The following TOM1 variants were observed in gnomAD, a reference collection of about 807,000 sequenced individuals.
TOM1 encodes the protein target of myb1 membrane trafficking protein, also known as target of Myb protein 1.
A neutral mutation model predicts 61.3 loss-of-function variants in TOM1; 38 were observed. That is an observed-to-expected ratio of 0.62 (90% confidence interval 0.48 to 0.81). TOM1 has a LOEUF of 0.81. TOM1 is among the 40% of genes least tolerant of loss of function. The pLI is 0.00. For missense variants in TOM1, 591 were observed against 659.6 expected, an observed-to-expected ratio of 0.90 and a Z score of 1.14; for synonymous variants, 270 against 268.8, an observed-to-expected ratio of 1.00 and a Z score of -0.04.
intron 6 of TOM1, 67 bp from the exon 7 acceptor site, chr22:35,327,204 T>C: frequency 6.7e-7 from 1 of 1,490,234 alleles, no homozygotes; most frequent in Non-Finnish European, 9.3e-7. Flanking sequence ...TACTGGGTTC[T>C]GTCGCTGTGA....
intron 2 of TOM1, 46 bp from the exon 3 acceptor site, chr22:35,321,913 A>G (rs1451716015): frequency 6.6e-7 from 1 of 1,517,062 alleles, no homozygotes; most frequent in Non-Finnish European, 9.2e-7. Flanking sequence ...GGTGTTAGGT[A>G]AGGGGGCTCT....
intron 11 of TOM1, 71 bp downstream of exon 11, chr22:35,334,519 T>C (rs1302846647): frequency 5.0e-6 from 8 of 1,584,372 alleles, no homozygotes; most frequent in Non-Finnish European, 6.9e-6. Flanking sequence ...CCCGGTTTTA[T>C]GGTGGCACAC....
chr22:35,323,689 C>T lies in TOM1; in HGVS notation c.501+59C>T, dbSNP rs553901997. On this transcript the variant is annotated intron_variant, in intron 5 of 14. Transcript: ENST00000449058. This position sits in a 1 kb window ranked among gnomAD's most constrained non-coding sequence, Gnocchi z 4.2. ...GGGAGGCAGGACTCATCCCCAGAGACATCACCAGGCTGGCCCCTGACTTCC... is the reference window on the plus strand; with the variant it reads ...GGGAGGCAGGACTCATCCCCAGAGATATCACCAGGCTGGCCCCTGACTTCC... 1 of 1,609,758 alleles carries T rather than the reference C, an allele frequency of 6.2e-7. No homozygotes were observed. The highest frequency in any genetic ancestry group is 2.2e-5 in the East Asian group (1 of 44,778).
chr22:35,314,498 TTC>T (rs2145631986), intron 1 of TOM1, among the ~76,000 whole-genome samples: 1 of 152,094 alleles, frequency 6.6e-6, no homozygotes, highest in South Asian at 2.1e-4. Context: ...GGTATGGGAT[TTC>T]TCTTATTTAT....
rs949902392 is a variant in TOM1, at chr22:35,330,574, TTC to T, written c.899+99_899+100del. The T allele has an allele frequency of 1.3e-5, 17 of 1,273,194 alleles. No individual in the cohort carries two copies. In the African/African-American group the frequency reaches 2.6e-4, roughly 19 times the overall value. 78.9% of individuals were successfully genotyped at this position (1,273,194 alleles called of 1,614,324 possible). On this transcript the variant is annotated intron_variant, in intron 8 of 14. Coordinates refer to ENST00000449058, the MANE Select transcript of TOM1 (RefSeq NM_005488.3). The stretch of plus-strand genomic sequence containing the variant: ...CTCCTGGTCTCATGCCATCTGAGCC[TTC>T]TCTCGTCCTCCTCTCAAACACAAGG...
Position 35,323,706 on chromosome 22 carries a change from C to G in TOM1, c.502-62C>G. The stretch of plus-strand genomic sequence containing the variant: ...CCCAGAGACATCACCAGGCTGGCCC[C>G]TGACTTCCTGGGCTCTTGATGTTCC... On this transcript the variant is annotated intron_variant, in intron 5 of 14. Transcript: ENST00000449058. The surrounding 1 kb of genome is among the most constrained non-coding windows in gnomAD (Gnocchi z 4.2). The G allele has an allele frequency of 6.2e-7, 1 of 1,606,728 alleles. No individual in the cohort carries two copies. The highest frequency in any genetic ancestry group is 8.5e-7 in the Non-Finnish European group (1 of 1,174,712).
chr22:35,345,693 G>A (rs1418828932), intron 12 of TOM1, 32 bp from the exon 13 acceptor site: 1 of 1,612,018 alleles, frequency 6.2e-7, no homozygotes. Flanking sequence ...TGTCACCTAG[G>A]GCACTGCCTT....
chr22:35,320,187 T>C (rs1331020831), intron 2 of TOM1, among the ~76,000 whole-genome samples: 2 of 152,224 alleles, frequency 1.3e-5, no homozygotes, highest in African/African-American at 4.8e-5. Flanking sequence ...CAATGTGGCA[T>C]GGCAGAACAG....
intron 1 of TOM1, among the ~76,000 whole-genome samples, chr22:35,306,224 A>AT: frequency 6.6e-6 from 1 of 152,074 alleles, no homozygotes; most frequent in Non-Finnish European, 1.5e-5. Context: ...AATTTGGCAT[A>AT]TGGGTTCATA....
Position 35,323,334 on chromosome 22 carries a change from G to A in TOM1, c.366+157G>A. ...GCTGGTGGGATGTTCTGTGGGGAGG[G>A]AGGCTTGCCAACTGCGTGCTTTGCT... is the stretch of plus-strand genomic sequence containing the variant. On this transcript the variant is annotated intron_variant, in intron 4 of 14. Coordinates refer to ENST00000449058, the MANE Select transcript of TOM1 (RefSeq NM_005488.3). This position sits in a 1 kb window ranked among gnomAD's most constrained non-coding sequence, Gnocchi z 4.2. 3 of 1,369,346 alleles carry A rather than the reference G, an allele frequency of 2.2e-6. No homozygotes were observed. The highest frequency in any genetic ancestry group is 2.5e-5 in the South Asian group (2 of 78,490). 84.8% of individuals were successfully genotyped at this position (1,369,346 alleles called of 1,614,324 possible).
At chr22:35,324,734 G>C (rs1008934459) in intron 6 of TOM1, among the ~76,000 whole-genome samples, 2 of 152,150 alleles carry the variant, frequency 1.3e-5, no homozygotes, top group Admixed American at 1.3e-4. Context: ...ATTTTTAGTA[G>C]AGATGGAGTT....
chr22:35,328,868 G>A (rs557904640), intron 7 of TOM1, among the ~76,000 whole-genome samples: 8 of 152,372 alleles, frequency 5.3e-5, no homozygotes, highest in South Asian at 2.1e-4. Flanking sequence ...GGCACCTGCC[G>A]TGACCCAGGA....
intron 6 of TOM1, among the ~76,000 whole-genome samples, chr22:35,325,931 T>G (rs188941468): frequency 9.2e-5 from 14 of 152,318 alleles, no homozygotes; most frequent in Middle Eastern, 3.4e-3. Flanking sequence ...GGGTTTGTGA[T>G]CAGTAGTTTT....
intron 12 of TOM1, 149 bp from the exon 13 acceptor site, chr22:35,345,576 A>G: frequency 1.4e-6 from 1 of 723,990 alleles, no homozygotes; most frequent in Non-Finnish European, 2.4e-6. Flanking sequence ...ACAGCCTGGC[A>G]CAGCGGGCCC....
At chr22:35,312,681 A>G (rs1228969039) in intron 1 of TOM1, among the ~76,000 whole-genome samples, 2 of 152,220 alleles carry the variant, frequency 1.3e-5, no homozygotes, top group African/African-American at 2.4e-5. Flanking sequence ...TGCCTGGTGC[A>G]TGCTGAGTGC....
chr22:35,337,103 A>T (rs1238003655), intron 11 of TOM1, among the ~76,000 whole-genome samples: 1 of 151,764 alleles, frequency 6.6e-6, no homozygotes, highest in Non-Finnish European at 1.5e-5. Flanking sequence ...CACCTGGCTA[A>T]TTTTTTGTAT....
At chr22:35,302,848 C>T (rs1273663332) in intron 1 of TOM1, among the ~76,000 whole-genome samples, 1 of 152,182 alleles carries the variant, frequency 6.6e-6, no homozygotes, top group Admixed American at 6.5e-5. Flanking sequence ...AGTTAATCCC[C>T]TCAGTATTCC....
At chr22:35,339,535 G>C (rs1415283036) in intron 12 of TOM1, among the ~76,000 whole-genome samples, 1 of 152,138 alleles carries the variant, frequency 6.6e-6, no homozygotes, top group Non-Finnish European at 1.5e-5. Flanking sequence ...CATGGAGTTA[G>C]AGCCCGTTCA....
chr22:35,327,352 A>C lies in TOM1; in HGVS notation c.730A>C (p.Thr244Pro), dbSNP rs1272708189. Residue 244 changes from threonine (T) to proline (P), a missense_variant, in exon 7 of 15, where the codon ACC becomes CCC. Coordinates refer to ENST00000449058, the MANE Select transcript of TOM1 (RefSeq NM_005488.3). ...GGAGATGCTGACGGAGCTGGTGCCC[A>C]CCCAGGCCGAGCCCGCAGACCTGGA... ...MSEMLTELVP[T>P]QAEPADLELL... 2 of 1,613,596 alleles carry C rather than the reference A, an allele frequency of 1.2e-6. No individual in the cohort carries two copies. Among genetic ancestry groups the C allele is most frequent in the African/African-American group, 1.3e-5 (1 of 74,898 alleles).
Sources: gnomAD v4.1 joint callset for allele counts (sites outside exome capture counted in the v4.1 genomes callset) on GRCh38, gnomAD v4.1.1 for gene constraint, Gnocchi (gnomAD v3.1) non-coding constraint, MANE v1.5 for transcripts, NCBI Gene and HGNC (gene_info 2026-07-23, HGNC 2026-07-21) for gene names.